TMEM181: variants seen among roughly 807,000 people sequenced by gnomAD.
TMEM181 encodes G protein-coupled receptor 178.
TMEM181 carries 39 observed loss-of-function variants against 71.9 expected under a neutral mutation model. The observed-to-expected ratio is 0.54, with a 90% CI of 0.42 to 0.71. TMEM181 has a LOEUF of 0.71. TMEM181 is among the 30% of genes least tolerant of loss of function. The pLI, the probability that TMEM181 is intolerant of heterozygous loss-of-function variation, is 0.00. For synonymous variants in TMEM181, 245 were observed against 228.8 expected, an observed-to-expected ratio of 1.07 and a Z score of -0.64; for missense variants, 595 against 583.0, an observed-to-expected ratio of 1.02 and a Z score of -0.21.
At chr6:158,564,791 G>C (rs1354441214) in intron 1 of TMEM181, among the ~76,000 whole-genome samples, 1 of 152,180 alleles carries the variant, frequency 6.6e-6, no homozygotes, top group African/African-American at 2.4e-5. Context: ...CAGGCAACAG[G>C]CCGGCATTTT....
chr6:158,580,930 T>C lies in TMEM181; in HGVS notation c.113-10T>C, dbSNP rs1783435373. ...ATAATCTGCTTTTGTCCTTTTCTGT[T>C]ACACTTTAGGACCTAAAGTGATCCA... On this transcript the variant is annotated splice_polypyrimidine_tract_variant and intron_variant, in intron 2 of 16. Transcript: ENST00000684151. The C allele has an allele frequency of 1.9e-6, 3 of 1,589,834 alleles. No individual in the cohort carries two copies. In the East Asian group the frequency reaches 6.8e-5, roughly 36 times the overall value.
At chr6:158,622,383 T>G (rs1786016007) in intron 10 of TMEM181, among the ~76,000 whole-genome samples, 1 of 152,128 alleles carries the variant, frequency 6.6e-6, no homozygotes, top group Non-Finnish European at 1.5e-5. Flanking sequence ...AGGGCTAGGC[T>G]GCTCCTGAGC....
intron 1 of TMEM181, 55 bp from the exon 2 acceptor site, chr6:158,573,365 C>T (rs977676485): frequency 4.2e-6 from 6 of 1,428,382 alleles, no homozygotes; most frequent in Middle Eastern, 1.9e-4. Context: ...GGCCGCTTTC[C>T]TGTGACCTCC....
At chr6:158,573,897 C>G (rs1783019244) in intron 2 of TMEM181, among the ~76,000 whole-genome samples, 1 of 151,274 alleles carries the variant, frequency 6.6e-6, no homozygotes, top group Non-Finnish European at 1.5e-5. Context: ...AGCTCTGATG[C>G]AGCTGATGGG....
intron 1 of TMEM181, among the ~76,000 whole-genome samples, chr6:158,572,802 C>G (rs975952610): frequency 4.9e-4 from 74 of 152,240 alleles, no homozygotes; most frequent in African/African-American, 1.7e-3. Flanking sequence ...AGGCAGCGTC[C>G]GTGTTGGGTG....
chr6:158,581,010 G>C lies in TMEM181; in HGVS notation c.168+15G>C. The C allele has an allele frequency of 1.2e-6, 2 of 1,603,908 alleles. No homozygotes were observed. Among genetic ancestry groups the C allele is most frequent in the Middle Eastern group, 1.7e-4 (1 of 6,012 alleles). On this transcript the variant is annotated intron_variant, in intron 3 of 16. Transcript: ENST00000684151. ...ATAGCAAAAAGGTAAGACTGGGTCT[G>C]AGTGGCAGCTGGGTGGTGGGGTGCA... is the stretch of plus-strand genomic sequence containing the variant.
intron 6 of TMEM181, among the ~76,000 whole-genome samples, chr6:158,598,375 C>A (rs1475686589): frequency 6.6e-6 from 1 of 152,162 alleles, no homozygotes; most frequent in African/African-American, 2.4e-5. Context: ...TAAGCCATGA[C>A]CTTTGACTGG....
At chr6:158,544,180 A>AGTGTGT (rs1163683618) in intron 1 of TMEM181, among the ~76,000 whole-genome samples, 114 of 69,064 alleles carry the variant, frequency 1.7e-3, no homozygotes, top group African/African-American at 5.8e-3. Flanking sequence ...CAAATTGGAG[A>AGTGTGT]GAGTGTGTGT....
chr6:158,590,933 T>G (rs1784076678), intron 6 of TMEM181, among the ~76,000 whole-genome samples: 1 of 152,254 alleles, frequency 6.6e-6, no homozygotes, highest in African/African-American at 2.4e-5. Context: ...TCTGGACATT[T>G]CGTGTGAATG....
At chr6:158,579,266 A>T (rs1013996022) in intron 2 of TMEM181, among the ~76,000 whole-genome samples, 2 of 52,120 alleles carry the variant, frequency 3.8e-5, no homozygotes, top group Non-Finnish European at 8.6e-5. Context: ...TCTCAAAATT[A>T]AAAAAAAAAA....
intron 13 of TMEM181, among the ~76,000 whole-genome samples, chr6:158,626,196 T>C (rs1786266462): frequency 6.6e-6 from 1 of 152,052 alleles, no homozygotes; most frequent in Admixed American, 6.6e-5. Flanking sequence ...CTTGGTCCTG[T>C]TGTGTCAGGG....
intron 15 of TMEM181, among the ~76,000 whole-genome samples, chr6:158,630,264 G>A (rs1786585619): frequency 6.6e-6 from 1 of 152,204 alleles, no homozygotes; most frequent in Admixed American, 6.5e-5. Flanking sequence ...TGGAGGCCAA[G>A]GCGGGAGGAT....
In TMEM181 at chr6:158,599,280, G is replaced by A. The variant is rs183640740; in HGVS notation, c.493-5987G>A. Among the ~76,000 whole-genome samples, 382 of 152,312 alleles carry A rather than the reference G, an allele frequency of 2.5e-3. 1 individual carries two copies. The highest frequency in any genetic ancestry group is 8.1e-3 in the African/African-American group (337 of 41,568). ...AGCAGATGTGGATGGATGGATGGGC[G>A]CATGGGAGATTTAATCAGGGAGGAG... is the stretch of plus-strand genomic sequence containing the variant. On this transcript the variant is annotated intron_variant, in intron 6 of 16. Coordinates refer to ENST00000684151, the MANE Select transcript of TMEM181 (RefSeq NM_001376852.1).
intron 1 of TMEM181, among the ~76,000 whole-genome samples, chr6:158,553,650 T>C (rs923694492): frequency 2.0e-5 from 3 of 152,258 alleles, no homozygotes; most frequent in Non-Finnish European, 4.4e-5. Context: ...TATAAAACTG[T>C]CTGCCACAAA....
intron 10 of TMEM181, 132 bp downstream of exon 10, chr6:158,608,882 G>A: frequency 1.2e-6 from 1 of 802,784 alleles, no homozygotes; most frequent in Middle Eastern, 2.8e-4. Flanking sequence ...CAAGTCACTT[G>A]AGCTCAGGAG....
rs1220274096 is a variant in TMEM181 at position 158,608,764 on chromosome 6, T to C, written c.896+14T>C. The C allele has an allele frequency of 6.2e-7, 1 of 1,606,160 alleles. No homozygotes were observed. Reference sequence around the variant, plus strand: ...AATATGGCAAACGTGAGTAATTCTATTATGTGTGAAACTTCAGTCATGAAA... The same window carrying C: ...AATATGGCAAACGTGAGTAATTCTACTATGTGTGAAACTTCAGTCATGAAA... On this transcript the variant is annotated intron_variant, in intron 10 of 16. Coordinates refer to ENST00000684151, the MANE Select transcript of TMEM181 (RefSeq NM_001376852.1).
At position 158,632,507 on chromosome 6, in the gene TMEM181, A is replaced by C. The variant is rs1398416591; in HGVS notation, c.*619A>C. 7 of 152,952 alleles carry C rather than the reference A, an allele frequency of 4.6e-5. No homozygotes were observed. The highest frequency in any genetic ancestry group is 4.5e-4 in the Admixed American group (7 of 15,438). 9.5% of individuals were successfully genotyped at this position (152,952 alleles called of 1,614,324 possible). On this transcript the variant is annotated 3_prime_UTR_variant, in exon 17 of 17. Coordinates refer to ENST00000684151, the MANE Select transcript of TMEM181 (RefSeq NM_001376852.1). ...GGGTTCCAACCCTTCACGTCACCAA[A>C]GGGGAAGTAATAGTGTGGAGTTCTG...
intron 1 of TMEM181, among the ~76,000 whole-genome samples, chr6:158,547,601 C>T (rs938341335): frequency 1.3e-5 from 2 of 152,158 alleles, no homozygotes; most frequent in African/African-American, 4.8e-5. Flanking sequence ...GGGGCCTCAG[C>T]GAAGCCCTGA....
rs547415993 is a variant in TMEM181, at chr6:158,593,336, G to A, written c.492+3554G>A. ...GTGTTTCTATTATAGAAAACTAGACGTCTAGAAGGCTGTCTCTGGGTGGTG... is the reference window on the plus strand; with the variant it reads ...GTGTTTCTATTATAGAAAACTAGACATCTAGAAGGCTGTCTCTGGGTGGTG... On this transcript the variant is annotated intron_variant, in intron 6 of 16. Coordinates refer to ENST00000684151, the MANE Select transcript of TMEM181 (RefSeq NM_001376852.1). Among the ~76,000 whole-genome samples the A allele has an allele frequency of 6.6e-5, 10 of 152,288 alleles. No individual in the cohort carries two copies. The Middle Eastern group carries it at 0.01, about 155-fold the overall frequency.
Sources: allele counts gnomAD v4.1 joint callset (sites outside exome capture counted in the v4.1 genomes callset), GRCh38; gene constraint gnomAD v4.1.1; transcripts MANE v1.5; gene names NCBI Gene and HGNC (gene_info 2026-07-23, HGNC 2026-07-21).